Variants in HNF4A observed in about 807,000 individuals in gnomAD.
The protein encoded by HNF4A is hepatocyte nuclear factor 4-alpha.
A neutral mutation model predicts 52.4 loss-of-function variants in HNF4A; 15 were observed. The observed-to-expected ratio is 0.29, with a 90% CI of 0.19 to 0.44. The LOEUF is 0.44. HNF4A is among the 20% of genes least tolerant of loss of function. HNF4A has a pLI of 1.00. For missense variants in HNF4A, 479 were observed against 647.2 expected (o/e 0.74, Z 2.82); for synonymous variants, 280 against 264.4 (o/e 1.06, Z -0.57).
At chr20:44,416,499 A>T (rs925046054) in intron 5 of HNF4A, among the ~76,000 whole-genome samples, 1 of 152,254 alleles carries the variant, frequency 6.6e-6, no homozygotes, top group Non-Finnish European at 1.5e-5. Flanking sequence ...AAAGACTTGC[A>T]CAGTGCCCAG....
At chr20:44,387,919 AATT>A (rs2063251039) in intron 1 of HNF4A, among the ~76,000 whole-genome samples, 2 of 152,098 alleles carry the variant, frequency 1.3e-5, no homozygotes, top group Non-Finnish European at 2.9e-5. Flanking sequence ...TGGCTTGAAT[AATT>A]GAGAGAAGGT....
chr20:44,386,231 G>A lies in HNF4A; in HGVS notation c.50-19827G>A, dbSNP rs144090686. Among the ~76,000 whole-genome samples, 310 of 137,506 alleles carry A rather than the reference G, an allele frequency of 2.3e-3. 1 individual carries two copies. Among genetic ancestry groups the A allele is most frequent in the African/African-American group, 8.1e-3 (294 of 36,230 alleles). 90.2% of individuals were successfully genotyped at this position (137,506 alleles called of 152,430 possible). ...TAACCAGGCTGGAGTGCAATGGCAC[G>A]ATCCCGGCTCACCACAACCTCTGCC... On this transcript the variant is annotated intron_variant, in intron 1 of 9. Coordinates refer to the HNF4A transcript ENST00000316673.
chr20:44,356,573 G>A (rs1301245087), intron 1 of HNF4A, among the ~76,000 whole-genome samples: 2 of 152,176 alleles, frequency 1.3e-5, no homozygotes, highest in Non-Finnish European at 2.9e-5. Flanking sequence ...ACATCTGTGT[G>A]TGACAGGGAA....
chr20:44,413,980 G>A (rs755421344), intron 4 of HNF4A, among the ~76,000 whole-genome samples, 180 bp downstream of exon 4: 6 of 152,184 alleles, frequency 3.9e-5, no homozygotes, highest in Non-Finnish European at 8.8e-5. Context: ...GGCAGGAATC[G>A]AACCTGGCGC....
intron 1 of HNF4A, among the ~76,000 whole-genome samples, chr20:44,370,014 CT>C (rs568160048): frequency 2.2e-4 from 34 of 151,858 alleles, no homozygotes; most frequent in Non-Finnish European, 4.0e-4. Flanking sequence ...CCACACTGGA[CT>C]TTTGTTTTTT....
chr20:44,423,208 C>G (rs1429732719), intron 7 of HNF4A, among the ~76,000 whole-genome samples: 2 of 151,858 alleles, frequency 1.3e-5, no homozygotes, highest in Admixed American at 6.6e-5. Flanking sequence ...CCCAGCTACT[C>G]GGGAGGCTGA....
At chr20:44,394,526 C>A (rs928897931) in intron 1 of HNF4A, among the ~76,000 whole-genome samples, 1 of 152,194 alleles carries the variant, frequency 6.6e-6, no homozygotes, top group Admixed American at 6.5e-5. Context: ...AAAGATTCTC[C>A]TGGCTCTGAC....
chr20:44,369,445 AAAAT>A (rs1290764865), intron 1 of HNF4A, among the ~76,000 whole-genome samples: 1 of 151,854 alleles, frequency 6.6e-6, no homozygotes, highest in Non-Finnish European at 1.5e-5. Context: ...AAGAGAAAGG[AAAAT>A]AAATAAATAA....
chr20:44,422,972 C>T (rs1281592156), intron 7 of HNF4A, among the ~76,000 whole-genome samples: 2 of 152,156 alleles, frequency 1.3e-5, no homozygotes, highest in African/African-American at 4.8e-5. Flanking sequence ...AGCCACCATG[C>T]CTGGCCCTAT....
intron 3 of HNF4A, among the ~76,000 whole-genome samples, chr20:44,410,128 C>A (rs3212190): frequency 3.9e-5 from 6 of 152,224 alleles, no homozygotes; most frequent in African/African-American, 1.4e-4. Flanking sequence ...CCACTGCGCC[C>A]GGCCCCTGGC....
At chr20:44,419,939 C>A in intron 7 of HNF4A, 63 bp downstream of exon 7, 1 of 1,524,722 alleles carries the variant, frequency 6.6e-7, no homozygotes, top group Non-Finnish European at 9.1e-7. Flanking sequence ...CCAGACTTCT[C>A]CTATTGGGTT....
intron 1 of HNF4A, among the ~76,000 whole-genome samples, chr20:44,393,605 TA>T (rs1490181381): frequency 1.3e-5 from 2 of 152,166 alleles, no homozygotes; most frequent in South Asian, 2.1e-4. Flanking sequence ...CTCTGGTGTG[TA>T]AAAAATTGGT....
chr20:44,383,162 T>C (rs571347210), intron 1 of HNF4A, among the ~76,000 whole-genome samples: 1 of 152,120 alleles, frequency 6.6e-6, no homozygotes, highest in South Asian at 2.1e-4. Flanking sequence ...AGAGACCCTG[T>C]CTCAAAAAAA....
chr20:44,381,836 C>G (rs1016504774), intron 1 of HNF4A, among the ~76,000 whole-genome samples: 17 of 152,164 alleles, frequency 1.1e-4, no homozygotes, highest in African/African-American at 4.1e-4. Flanking sequence ...GTCTGGAACT[C>G]CTGACCTCAA....
chr20:44,397,031 C>T (rs750953930), upstream of HNF4A, among the ~76,000 whole-genome samples: 1 of 152,204 alleles, frequency 6.6e-6, no homozygotes, highest in Non-Finnish European at 1.5e-5. Flanking sequence ...GAAATAAAAA[C>T]TTGCCTTGTG....
At chr20:44,383,882 CT>C (rs2063186674) in intron 1 of HNF4A, among the ~76,000 whole-genome samples, 1 of 148,138 alleles carries the variant, frequency 6.8e-6, no homozygotes, top group Non-Finnish European at 1.5e-5. Context: ...CGGAGTTTCA[CT>C]CTTGTTGCCC....
At chr20:44,361,930 C>T (rs2062921603) in intron 1 of HNF4A, among the ~76,000 whole-genome samples, 1 of 152,098 alleles carries the variant, frequency 6.6e-6, no homozygotes, top group South Asian at 2.1e-4. Flanking sequence ...TAGCAGGAGT[C>T]AGCCGGGAGA....
At chr20:44,434,549 T>A (rs1034641773), downstream of HNF4A, 4 of 148,692 alleles carry the variant, frequency 2.7e-5, no homozygotes, top group South Asian at 2.1e-4. Context: ...CAGAGGAGAC[T>A]ATTTCAGTCC....
intron 2 of HNF4A, among the ~76,000 whole-genome samples, chr20:44,406,687 C>A (rs1484094981): frequency 6.6e-6 from 1 of 152,228 alleles, no homozygotes; most frequent in East Asian, 1.9e-4. Flanking sequence ...AGCCCTCTTT[C>A]GAAAGCATCT....
Sources: allele counts gnomAD v4.1 joint callset (sites outside exome capture counted in the v4.1 genomes callset), GRCh38; gene constraint gnomAD v4.1.1; transcripts MANE v1.5; gene names NCBI Gene and HGNC (gene_info 2026-07-23, HGNC 2026-07-21).